COX7B2: variants seen among roughly 807,000 people sequenced by gnomAD.
The protein encoded by COX7B2 is cytochrome c oxidase subunit 7B2, mitochondrial.
For missense variants in COX7B2, 109 were observed against 95.9 expected (o/e 1.14, Z -0.57); for synonymous variants, 37 against 32.1 (o/e 1.15, Z -0.51).
chr4:46,803,621 T>C (rs944082161), intron 2 of COX7B2, among the ~76,000 whole-genome samples: 1 of 152,180 alleles, frequency 6.6e-6, no homozygotes, highest in African/African-American at 2.4e-5. Context: ...TTTATAAACA[T>C]GGCACATGTC....
chr4:46,775,786 T>A (rs953776798), intron 2 of COX7B2, among the ~76,000 whole-genome samples: 2 of 152,082 alleles, frequency 1.3e-5, no homozygotes, highest in African/African-American at 4.8e-5. Flanking sequence ...AAGAGGATTA[T>A]AAATAATAAA....
At chr4:46,779,136 T>A (rs1342003591) in intron 2 of COX7B2, among the ~76,000 whole-genome samples, 2 of 152,214 alleles carry the variant, frequency 1.3e-5, no homozygotes, top group Non-Finnish European at 2.9e-5. Flanking sequence ...ATTTAAATAT[T>A]ACATGCTGAA....
At chr4:46,902,425 T>C (rs1720122845) in intron 1 of COX7B2, among the ~76,000 whole-genome samples, 1 of 152,186 alleles carries the variant, frequency 6.6e-6, no homozygotes. Context: ...GCAGCATTTT[T>C]GTTCTACTAA....
intron 2 of COX7B2, among the ~76,000 whole-genome samples, chr4:46,755,935 AG>A (rs1715769307): frequency 1.3e-5 from 2 of 152,170 alleles, no homozygotes; most frequent in South Asian, 4.1e-4. Context: ...GACCAGTATC[AG>A]TTTTCACAAA....
At chr4:46,866,688 G>C (rs773124944) in intron 1 of COX7B2, among the ~76,000 whole-genome samples, 1 of 151,986 alleles carries the variant, frequency 6.6e-6, no homozygotes, top group Non-Finnish European at 1.5e-5. Context: ...CAGAATCATT[G>C]GCCACCAACA....
At chr4:46,867,981 T>A (rs1458386725) in intron 1 of COX7B2, among the ~76,000 whole-genome samples, 1 of 152,216 alleles carries the variant, frequency 6.6e-6, no homozygotes, top group Non-Finnish European at 1.5e-5. Context: ...TCTGGTAGAA[T>A]CTGGCTGTGA....
chr4:46,845,983 C>T (rs570244930), intron 1 of COX7B2, among the ~76,000 whole-genome samples: 2 of 152,064 alleles, frequency 1.3e-5, no homozygotes, highest in Admixed American at 1.3e-4. Flanking sequence ...ATAGACTTTA[C>T]CCCCATTAGG....
intron 2 of COX7B2, among the ~76,000 whole-genome samples, chr4:46,788,423 TATG>T (rs1192489674): frequency 6.6e-6 from 1 of 152,182 alleles, no homozygotes; most frequent in East Asian, 1.9e-4. Context: ...TTGTTAAACA[TATG>T]ATATTTTTTA....
intron 1 of COX7B2, among the ~76,000 whole-genome samples, chr4:46,891,948 T>G (rs1719455202): frequency 6.6e-6 from 1 of 152,206 alleles, no homozygotes. Flanking sequence ...ATGTATTCAT[T>G]TATTTCCTTA....
At chr4:46,821,772 T>C (rs1714310458) in intron 2 of COX7B2, among the ~76,000 whole-genome samples, 1 of 152,186 alleles carries the variant, frequency 6.6e-6, no homozygotes, top group Admixed American at 6.5e-5. Context: ...TGTTATGGAG[T>C]CTCTGCTGAT....
At chr4:46,895,618 T>G (rs1220772254) in intron 1 of COX7B2, among the ~76,000 whole-genome samples, 1 of 152,178 alleles carries the variant, frequency 6.6e-6, no homozygotes, top group Admixed American at 6.5e-5. Context: ...ATAATAAACC[T>G]GCACATATAC....
At chr4:46,901,954 C>T (rs1720091533) in intron 1 of COX7B2, among the ~76,000 whole-genome samples, 1 of 152,176 alleles carries the variant, frequency 6.6e-6, no homozygotes, top group African/African-American at 2.4e-5. Flanking sequence ...CTTGGTTCCC[C>T]ATCTTGGGAC....
At chr4:46,735,287 A>G (rs1477039891) in intron 2 of COX7B2, 46 bp from the exon 3 acceptor site, 4 of 1,401,264 alleles carry the variant, frequency 2.9e-6, no homozygotes, top group Non-Finnish European at 4.0e-6. Flanking sequence ...TCTTTATTCA[A>G]TTCCTTCCGC....
At chr4:46,788,271 T>C (rs1421235519) in intron 2 of COX7B2, among the ~76,000 whole-genome samples, 1 of 152,140 alleles carries the variant, frequency 6.6e-6, no homozygotes, top group African/African-American at 2.4e-5. Flanking sequence ...CAATACTCAA[T>C]ATGGCAAAAC....
intron 1 of COX7B2, among the ~76,000 whole-genome samples, chr4:46,866,079 C>T (rs2109811905): frequency 6.6e-6 from 1 of 152,282 alleles, no homozygotes; most frequent in Middle Eastern, 3.4e-3. Flanking sequence ...TGCTCTGTTC[C>T]AACCCTAGTT....
rs561088335 is a variant in COX7B2, at chr4:46,829,574, G to A, written c.-50+15386C>T. The stretch of plus-strand genomic sequence containing the variant: ...CATGTAGCTATAATTAAAGCAATGT[G>A]TCATAAATGACACTCCATCTGATGG... On this transcript the variant is annotated intron_variant, in intron 2 of 2. Transcript: ENST00000355591. Among the ~76,000 whole-genome samples the A allele has an allele frequency of 2.3e-3, 346 of 152,224 alleles. 3 individuals carry two copies. The highest frequency in any genetic ancestry group is 8.1e-3 in the African/African-American group (335 of 41,558).
chr4:46,787,673 C>A (rs1354602704), intron 2 of COX7B2, among the ~76,000 whole-genome samples: 2 of 152,148 alleles, frequency 1.3e-5, no homozygotes, highest in Non-Finnish European at 2.9e-5. Context: ...GATGCAAGGG[C>A]TAAGGAAACA....
chr4:46,824,358 A>C (rs187490650), intron 2 of COX7B2, among the ~76,000 whole-genome samples: 160 of 152,196 alleles, frequency 1.1e-3, no homozygotes, highest in African/African-American at 3.7e-3. Context: ...GGCAACATAC[A>C]CATCTTTTGG....
chr4:46,773,524 T>C (rs184376596), intron 2 of COX7B2, among the ~76,000 whole-genome samples: 2 of 152,144 alleles, frequency 1.3e-5, no homozygotes, highest in Admixed American at 6.6e-5. Context: ...CAGTTCTTTA[T>C]AGCAGTGGGA....
Sources: allele counts gnomAD v4.1 joint callset (sites outside exome capture counted in the v4.1 genomes callset), GRCh38; gene constraint gnomAD v4.1.1; transcripts MANE v1.5; gene names NCBI Gene and HGNC (gene_info 2026-07-23, HGNC 2026-07-21).